AK7: variants seen among roughly 807,000 people sequenced by gnomAD.
AK7 encodes the protein ATP-AMP transphosphorylase 7.
In AK7, 78 loss-of-function variants were observed where a neutral mutation model predicts 96.6. That is an observed-to-expected ratio of 0.81 (90% CI 0.67 to 0.97). The LOEUF is 0.97. AK7 is among the 50% of genes least tolerant of loss of function. The pLI is 0.00. For missense variants in AK7, 855 were observed against 887.9 expected, an observed-to-expected ratio of 0.96 and a Z score of 0.47; for synonymous variants, 302 against 317.2, an observed-to-expected ratio of 0.95 and a Z score of 0.51.
At chr14:96,462,578 T>C (rs2140136701) in intron 12 of AK7, among the ~76,000 whole-genome samples, 1 of 152,284 alleles carries the variant, frequency 6.6e-6, no homozygotes, top group Non-Finnish European at 1.5e-5. Context: ...CCATAGAGTG[T>C]GCTAATTACA....
intron 12 of AK7, among the ~76,000 whole-genome samples, chr14:96,462,065 C>CA (rs1292853011): frequency 1.3e-5 from 2 of 152,156 alleles, no homozygotes; most frequent in Admixed American, 1.3e-4. Context: ...CTGAGGCCCC[C>CA]AGGCTCCAGA....
At chr14:96,421,918 C>T (rs1441507023) in intron 5 of AK7, among the ~76,000 whole-genome samples, 1 of 152,138 alleles carries the variant, frequency 6.6e-6, no homozygotes, top group African/African-American at 2.4e-5. Context: ...TCTGTTGCAG[C>T]TATTGCAGTA....
At chr14:96,452,247 A>AT (rs1335784223) in intron 10 of AK7, among the ~76,000 whole-genome samples, 1 of 152,156 alleles carries the variant, frequency 6.6e-6, no homozygotes, top group Non-Finnish European at 1.5e-5. Context: ...CACACTTATC[A>AT]TTTTTTATGG....
chr14:96,404,811 T>TATA lies in AK7; in HGVS notation c.351_353dup (p.Asn118dup). The TATA allele has an allele frequency of 1.2e-6, 2 of 1,611,080 alleles. No individual in the cohort carries two copies. Among genetic ancestry groups the TATA allele is most frequent in the African/African-American group, 2.7e-5 (2 of 74,994 alleles). On this transcript the variant is annotated inframe_insertion, in exon 3 of 18. Transcript: ENST00000267584. ...CCTGCTGGAGTGTGATGTTATTATT[T>TATA]ATAACATCACTGAGAGCTCACAGCA...
At chr14:96,473,464 CTT>C (rs71462738) in intron 14 of AK7, among the ~76,000 whole-genome samples, 20 of 139,734 alleles carry the variant, frequency 1.4e-4, no homozygotes, top group Admixed American at 2.9e-4. Flanking sequence ...TGCCCAGGCT[CTT>C]TTTTTTTTTT....
chr14:96,434,067 T>C (rs1231170215), intron 5 of AK7, among the ~76,000 whole-genome samples: 1 of 152,232 alleles, frequency 6.6e-6, no homozygotes, highest in Non-Finnish European at 1.5e-5. Flanking sequence ...GTGCTTTATT[T>C]AGTTCATTTG....
chr14:96,465,223 A>T (rs1894490331), intron 12 of AK7, among the ~76,000 whole-genome samples: 1 of 152,222 alleles, frequency 6.6e-6, no homozygotes. Context: ...GCACTTTGGG[A>T]GGCCGAGGCG....
intron 14 of AK7, among the ~76,000 whole-genome samples, chr14:96,475,863 C>G (rs1895146626): frequency 6.6e-6 from 1 of 151,978 alleles, no homozygotes; most frequent in Non-Finnish European, 1.5e-5. Flanking sequence ...CCTGTGGTCC[C>G]AGCTACTCAG....
intron 12 of AK7, among the ~76,000 whole-genome samples, chr14:96,461,489 A>G (rs771661357): frequency 1.3e-5 from 2 of 152,196 alleles, no homozygotes; most frequent in Non-Finnish European, 2.9e-5. Context: ...AAGGCTAGAA[A>G]CAGGGTGCCA....
intron 5 of AK7, among the ~76,000 whole-genome samples, chr14:96,436,721 C>A (rs985128796): frequency 2.0e-5 from 3 of 152,108 alleles, no homozygotes; most frequent in African/African-American, 7.2e-5. Context: ...GAAGTTCAAG[C>A]GAGTTTTCTG....
intron 12 of AK7, among the ~76,000 whole-genome samples, chr14:96,470,110 G>A (rs572609503): frequency 6.6e-5 from 10 of 152,002 alleles, no homozygotes; most frequent in South Asian, 2.1e-4. Context: ...GAGCCACCGC[G>A]CCCGCCCGGG....
rs557630248 is a variant in AK7, at chr14:96,456,746, C to T, written c.1227+271C>T. 1.3e-5 allele frequency: 4 copies of T among 311,430 alleles called. No homozygotes were observed. The South Asian group carries it at 1.5e-4, about 11-fold the overall frequency. 19.3% of individuals were successfully genotyped at this position (311,430 alleles called of 1,614,324 possible). A position where few individuals can be genotyped will look rare whatever the true frequency, so the allele number is the denominator to read the frequency against. ...ATGTGGCGCTTGCTGGCTTTGGCAC[C>T]CGCAATGAACACAAGTGTGTGTTTG... On this transcript the variant is annotated intron_variant, in intron 11 of 17. Transcript: ENST00000267584.
intron 7 of AK7, 26 bp downstream of exon 7, chr14:96,442,844 C>A (rs976487431): frequency 1.3e-6 from 2 of 1,594,626 alleles, no homozygotes; most frequent in Admixed American, 3.3e-5. Flanking sequence ...GAGACGTGAC[C>A]TTCACAGAAT....
At chr14:96,478,907 CT>C (rs147640900) in intron 15 of AK7, among the ~76,000 whole-genome samples, 324 of 140,764 alleles carry the variant, frequency 2.3e-3, no homozygotes, top group Middle Eastern at 3.6e-3. Flanking sequence ...ATGACAAATC[CT>C]TTTTTTTTTT....
chr14:96,434,422 G>GTCTCTCTCTCTCTCTC (rs3077780), intron 5 of AK7, among the ~76,000 whole-genome samples: 15 of 149,438 alleles, frequency 1.0e-4, no homozygotes, highest in African/African-American at 3.2e-4. Flanking sequence ...CTGTCTGTCT[G>GTCTCTCTCTCTCTCTC]TCTCTCTCTC....
chr14:96,467,950 C>T (rs891019972), intron 12 of AK7, among the ~76,000 whole-genome samples: 4 of 151,474 alleles, frequency 2.6e-5, no homozygotes, highest in Admixed American at 1.3e-4. Flanking sequence ...AAGTCAGATA[C>T]GGTGGCTCAC....
At chr14:96,419,727 T>G (rs935070697) in intron 4 of AK7, among the ~76,000 whole-genome samples, 12 of 152,064 alleles carry the variant, frequency 7.9e-5, no homozygotes, top group Admixed American at 2.6e-4. Context: ...GTTTTTAATT[T>G]TGTTTAGATT....
Position 96,478,510 on chromosome 14 carries a change from G to T in AK7, c.1601G>T (p.Arg534Leu). The T allele has an allele frequency of 6.2e-7, 1 of 1,614,180 alleles. No homozygotes were observed. The highest frequency in any genetic ancestry group is 8.5e-7 in the Non-Finnish European group (1 of 1,180,048). Reference sequence around the variant, plus strand: ...GCTTCGGATGAGTTTCTGAAGGAGCGTGTGATAAACCTTCCTGAGAGCATC... The same window carrying T: ...GCTTCGGATGAGTTTCTGAAGGAGCTTGTGATAAACCTTCCTGAGAGCATC... ...LDASDEFLKERVINLPESIVA... is the reference protein window; with the variant it reads ...LDASDEFLKELVINLPESIVA... The change falls in exon 15 of 18, where the codon CGT becomes CTT. Residue 534 changes from arginine to leucine, a missense_variant. Coordinates refer to ENST00000267584, the MANE Select transcript of AK7 (RefSeq NM_152327.5).
intron 5 of AK7, among the ~76,000 whole-genome samples, chr14:96,433,082 T>C (rs1005133897): frequency 2.0e-5 from 3 of 152,230 alleles, no homozygotes; most frequent in Non-Finnish European, 4.4e-5. Context: ...ACTCGACCTT[T>C]CTCTCTGGCT....
Sources: gnomAD v4.1 joint callset for allele counts (sites outside exome capture counted in the v4.1 genomes callset) on GRCh38, gnomAD v4.1.1 for gene constraint, MANE v1.5 for transcripts, NCBI Gene and HGNC (gene_info 2026-07-23, HGNC 2026-07-21) for gene names.